Variants in CEP83 observed in about 807,000 individuals in gnomAD.
CEP83 encodes the protein centrosomal protein of 83 kDa.
Under a neutral mutation model 101.9 loss-of-function variants are expected in CEP83, and 70 were observed. The observed-to-expected ratio is 0.69, with a 90% confidence interval of 0.57 to 0.84. The LOEUF is 0.84. Among genes scored for constraint, CEP83 ranks in the 40% least tolerant of loss-of-function variants. The probability of loss-of-function intolerance (pLI) is 0.00; values close to 1 mark genes in which losing one functional copy is unlikely to be tolerated. For synonymous variants in CEP83, 264 were observed against 267.9 expected (o/e 0.99, Z 0.14); for missense variants, 715 against 787.2 (o/e 0.91, Z 1.10).
At chr12:94,286,532 C>T in the CEP83 span, among the ~76,000 whole-genome samples, 3 of 149,860 alleles carry the variant, frequency 2.0e-5, no homozygotes, top group African/African-American at 7.4e-5. Flanking sequence ...ACTAGCATTT[C>T]CCTCCAAAGA....
At chr12:94,298,594 T>A in the CEP83 span, 1 of 1,535,804 alleles carries the variant, frequency 6.5e-7, no homozygotes, top group African/African-American at 1.4e-5. Flanking sequence ...ACTACCACAG[T>A]TTTTAATCTC....
Position 94,390,353 on chromosome 12 carries a change from G to A in CEP83, c.549+10497C>T, listed in dbSNP as rs777962360. Reference sequence around the variant, plus strand: ...AAACAGGGTCTGGAGTGGAACTCCCGCAAGCTCCAACAGACCTGCAGCTGA... The same window carrying A: ...AAACAGGGTCTGGAGTGGAACTCCCACAAGCTCCAACAGACCTGCAGCTGA... On this transcript the variant is annotated intron_variant, in intron 6 of 16. Coordinates refer to ENST00000397809, the MANE Select transcript of CEP83 (RefSeq NM_016122.3). Among the ~76,000 whole-genome samples, 3 of 152,148 alleles carry A rather than the reference G, an allele frequency of 2.0e-5. No homozygotes were observed. In the South Asian group the frequency reaches 6.2e-4, roughly 31 times the overall value.
rs117483675 is a variant in CEP83 at position 94,315,093 on chromosome 12, C to A, written c.1708-2076G>T. On this transcript the variant is annotated intron_variant, in intron 14 of 16. Coordinates refer to ENST00000397809, the MANE Select transcript of CEP83 (RefSeq NM_016122.3). ...CATGTTTTTCGCAGATTAAGTACCTCATTCTCTTCAGTATATACCTATGAA... is the reference window on the plus strand; with the variant it reads ...CATGTTTTTCGCAGATTAAGTACCTAATTCTCTTCAGTATATACCTATGAA... Among the ~76,000 whole-genome samples the A allele has an allele frequency of 7.9e-4, 120 of 152,260 alleles. 1 individual carries two copies. In the East Asian group the frequency reaches 0.022, roughly 28 times the overall value.
chr12:94,353,335 A>G (rs1034040167), intron 11 of CEP83, among the ~76,000 whole-genome samples: 20 of 152,232 alleles, frequency 1.3e-4, no homozygotes, highest in South Asian at 2.1e-4. Context: ...CTACTCAACA[A>G]GAAATTCTTA....
At chr12:94,385,863 T>C (rs1195592185) in intron 6 of CEP83, among the ~76,000 whole-genome samples, 2 of 152,228 alleles carry the variant, frequency 1.3e-5, no homozygotes, top group Non-Finnish European at 2.9e-5. Flanking sequence ...GTATTTTTAC[T>C]GTTTAAACCT....
chr12:94,409,423 A>C (rs957541499), intron 4 of CEP83, among the ~76,000 whole-genome samples: 1 of 152,108 alleles, frequency 6.6e-6, no homozygotes, highest in Non-Finnish European at 1.5e-5. Flanking sequence ...CAGGGAGGCT[A>C]TAGGGTAGAT....
At chr12:94,280,891 G>A in the CEP83 span, among the ~76,000 whole-genome samples, 1 of 152,214 alleles carries the variant, frequency 6.6e-6, no homozygotes, top group Non-Finnish European at 1.5e-5. Flanking sequence ...AGCAAGGAGG[G>A]GGCCTGGGGA....
At chr12:94,400,201 T>C (rs1240688017) in intron 6 of CEP83, among the ~76,000 whole-genome samples, 2 of 152,206 alleles carry the variant, frequency 1.3e-5, no homozygotes, top group African/African-American at 4.8e-5. Context: ...ATTCCTCTCT[T>C]TCAATTTGAA....
At chr12:94,414,233 G>T (rs1242653706) in intron 2 of CEP83, among the ~76,000 whole-genome samples, 2 of 152,130 alleles carry the variant, frequency 1.3e-5, no homozygotes, top group African/African-American at 4.8e-5. Flanking sequence ...GTACACATTT[G>T]CCAAGGAATT....
chr12:94,382,827 G>C (rs990374028), intron 6 of CEP83, among the ~76,000 whole-genome samples: 2 of 151,994 alleles, frequency 1.3e-5, no homozygotes. Context: ...TACTTCAAAA[G>C]AACATGTCTG....
chr12:94,278,290 ACTG>A, the CEP83 span, among the ~76,000 whole-genome samples: 1 of 152,248 alleles, frequency 6.6e-6, no homozygotes, highest in African/African-American at 2.4e-5. Flanking sequence ...TAGAATCTAA[ACTG>A]CTATGTTATG....
At chr12:94,322,757 C>CTCAG (rs1196082748) in intron 14 of CEP83, among the ~76,000 whole-genome samples, 2 of 152,196 alleles carry the variant, frequency 1.3e-5, no homozygotes, top group African/African-American at 2.4e-5. Context: ...CCCTAACCAA[C>CTCAG]TCAGACTCCC....
chr12:94,269,114 G>A, the CEP83 span, among the ~76,000 whole-genome samples: 5 of 152,168 alleles, frequency 3.3e-5, no homozygotes, highest in East Asian at 3.8e-4. Flanking sequence ...CGTAGCAAGC[G>A]TGCTGAATTA....
In CEP83 at chr12:94,331,357, C is replaced by CTTT. The variant is rs1161292599; in HGVS notation, c.1707+340_1707+342dup. On this transcript the variant is annotated intron_variant, in intron 14 of 16. Coordinates refer to ENST00000397809, the MANE Select transcript of CEP83 (RefSeq NM_016122.3). ...TACTCCATAGAAATCACCTTTTTTC[C>CTTT]TTTTTTTTTTTTTTTTTTTTTTTTT... Among the ~76,000 whole-genome samples, 130 of 66,808 alleles carry CTTT rather than the reference C, an allele frequency of 1.9e-3. 12 individuals carry two copies. The highest frequency in any genetic ancestry group is 3.1e-3 in the African/African-American group (55 of 17,504). 43.8% of individuals were successfully genotyped at this position (66,808 alleles called of 152,430 possible).
At chr12:94,381,902 T>C (rs1329975623) in intron 6 of CEP83, among the ~76,000 whole-genome samples, 1 of 152,116 alleles carries the variant, frequency 6.6e-6, no homozygotes, top group Non-Finnish European at 1.5e-5. Context: ...GATTCCCCTA[T>C]TGGTAACATT....
chr12:94,372,686 G>T (rs1241987177), intron 8 of CEP83, among the ~76,000 whole-genome samples: 3 of 152,174 alleles, frequency 2.0e-5, no homozygotes, highest in African/African-American at 7.2e-5. Flanking sequence ...TTACTGAAAT[G>T]AGACGACATT....
intron 13 of CEP83, among the ~76,000 whole-genome samples, chr12:94,332,812 G>C (rs2059280805): frequency 6.6e-6 from 1 of 151,980 alleles, no homozygotes; most frequent in African/African-American, 2.4e-5. Flanking sequence ...GTTTTATGTG[G>C]CATGGTGGCC....
intron 1 of CEP83, among the ~76,000 whole-genome samples, chr12:94,439,798 T>C (rs1190119036): frequency 1.3e-5 from 2 of 152,038 alleles, no homozygotes; most frequent in African/African-American, 4.8e-5. Context: ...CTCAACAAAA[T>C]ACTAGCTAAC....
the CEP83 span, among the ~76,000 whole-genome samples, chr12:94,269,818 ATAGT>A: frequency 1.3e-5 from 2 of 152,184 alleles, no homozygotes; most frequent in Admixed American, 1.3e-4. Context: ...TACTAACTTC[ATAGT>A]TAGTGTTCTG....
Sources: allele counts gnomAD v4.1 joint callset (sites outside exome capture counted in the v4.1 genomes callset), GRCh38; gene constraint gnomAD v4.1.1; transcripts MANE v1.5; gene names NCBI Gene and HGNC (gene_info 2026-07-23, HGNC 2026-07-21).